The following AATF variants were observed in gnomAD, a reference collection of about 807,000 sequenced individuals.
AATF encodes the protein protein AATF.
Under a neutral mutation model 63.7 loss-of-function variants are expected in AATF, and 48 were observed. That is an observed-to-expected ratio of 0.75 (90% confidence interval 0.60 to 0.96). The LOEUF is 0.96. AATF is among the 40% of genes least tolerant of loss of function. The pLI is 0.00. For synonymous variants in AATF, 258 were observed against 247.7 expected, an observed-to-expected ratio of 1.04 and a Z score of -0.39; for missense variants, 639 against 685.7, an observed-to-expected ratio of 0.93 and a Z score of 0.76.
chr17:36,950,492 A>G, intron 2 of AATF, 87 bp downstream of exon 2: 1 of 1,323,600 alleles, frequency 7.6e-7, no homozygotes, highest in Non-Finnish European at 1.0e-6. Flanking sequence ...GATCTTTGCA[A>G]GAGTAGTCTG....
At chr17:37,037,940 C>A (rs1250214547) in intron 11 of AATF, among the ~76,000 whole-genome samples, 2 of 152,142 alleles carry the variant, frequency 1.3e-5, no homozygotes, top group African/African-American at 4.8e-5. Flanking sequence ...CCTGCTGTGG[C>A]CTTGTGAGGC....
intron 5 of AATF, 47 bp downstream of exon 5, chr17:36,986,778 T>C: frequency 6.8e-7 from 1 of 1,467,480 alleles, no homozygotes; most frequent in Non-Finnish European, 9.5e-7. Flanking sequence ...TTCATTTGGA[T>C]AGTTTCCCAT....
In AATF at chr17:37,056,648, A is replaced by C; in HGVS notation, c.1667A>C (p.Glu556Ala). Residue 556 changes from glutamate to alanine, a missense_variant, in exon 12 of 12, where the codon GAA becomes GCA. Glu to Ala is a moderately radical substitution (Grantham distance 107). Coordinates refer to ENST00000619387, the MANE Select transcript of AATF (RefSeq NM_012138.4). ...TTTGGCCAGCTCCACCCTCCCGACG[A>C]AGGCCACGGGGATTGACATCGCCCA... ...SLFGQLHPPD[E>A]GHGD is the part of the protein sequence containing the mutation. 2 of 1,614,218 alleles carry C rather than the reference A, an allele frequency of 1.2e-6. No homozygotes were observed. Among genetic ancestry groups the C allele is most frequent in the Non-Finnish European group, 1.7e-6 (2 of 1,180,032 alleles).
At chr17:36,993,776 C>T (rs1263208277) in intron 8 of AATF, among the ~76,000 whole-genome samples, 1 of 152,068 alleles carries the variant, frequency 6.6e-6, no homozygotes, top group African/African-American at 2.4e-5. Flanking sequence ...ATTATAGCCA[C>T]ATTGAATTTT....
At chr17:37,047,822 G>T (rs745417043) in intron 11 of AATF, among the ~76,000 whole-genome samples, 2 of 152,202 alleles carry the variant, frequency 1.3e-5, no homozygotes, top group East Asian at 1.9e-4. Context: ...GAAACGAGTC[G>T]TGTACTGCCA....
At chr17:37,009,118 G>A (rs199959345) in intron 8 of AATF, among the ~76,000 whole-genome samples, 1 of 150,504 alleles carries the variant, frequency 6.6e-6, no homozygotes, top group Non-Finnish European at 1.5e-5. Flanking sequence ...TGGCTTTTTT[G>A]TTTTGGTTTG....
intron 4 of AATF, among the ~76,000 whole-genome samples, chr17:36,985,442 A>ATT (rs557972342): frequency 1.5e-5 from 2 of 132,062 alleles, no homozygotes; most frequent in Non-Finnish European, 1.6e-5. Context: ...GCCTGGCTAA[A>ATT]TTTTTTTTTT....
intron 11 of AATF, among the ~76,000 whole-genome samples, chr17:37,043,655 T>C (rs1336136170): frequency 6.6e-6 from 1 of 152,210 alleles, no homozygotes; most frequent in Non-Finnish European, 1.5e-5. Context: ...TATATTTTAA[T>C]TTCAATTGTA....
chr17:36,973,117 T>A (rs2071052233), intron 4 of AATF, among the ~76,000 whole-genome samples: 1 of 135,928 alleles, frequency 7.4e-6, no homozygotes, highest in Non-Finnish European at 1.5e-5. Context: ...TTTTCTTTTC[T>A]TCTTTCTTTC....
rs1476264393 is a variant in AATF, at chr17:36,949,162, C to G, written c.37C>G (p.Gln13Glu). ...GCAGCCCCTGGCGCTGCAACTGGAACAGTTGTTGAACCCGCGACCAAGCGA... is the reference window on the plus strand; with the variant it reads ...GCAGCCCCTGGCGCTGCAACTGGAAGAGTTGTTGAACCCGCGACCAAGCGA... ...GPQPLALQLEQLLNPRPSEAD... is the reference protein window; with the variant it reads ...GPQPLALQLEELLNPRPSEAD... Residue 13 changes from glutamine (Q) to glutamate (E), a missense_variant, in exon 1 of 12, where the codon CAG becomes GAG. Physicochemically the swap from Gln to Glu is conservative, Grantham distance 29. Coordinates refer to ENST00000619387, the MANE Select transcript of AATF (RefSeq NM_012138.4). 2.5e-6 allele frequency: 4 copies of G among 1,591,774 alleles called. No homozygotes were observed. In the South Asian group the frequency reaches 4.6e-5, roughly 18 times the overall value.
At position 36,949,023 on chromosome 17, in the gene AATF, A is replaced by G. The variant is rs2070829247; in HGVS notation, c.-103A>G. On this transcript the variant is annotated 5_prime_UTR_variant, in exon 1 of 12. Transcript: ENST00000619387. ...GCGCGGTCTCTGGCGGAGTCGGGGA[A>G]TCGGATCAAGGCGAGAGGATCCGGC... is the stretch of plus-strand genomic sequence containing the variant. 8 of 1,100,702 alleles carry G rather than the reference A, an allele frequency of 7.3e-6. No individual in the cohort carries two copies. The South Asian group carries it at 1.0e-4, about 14-fold the overall frequency. 68.2% of individuals were successfully genotyped at this position (1,100,702 alleles called of 1,614,324 possible).
At chr17:36,968,769 A>C (rs1461474858) in intron 4 of AATF, among the ~76,000 whole-genome samples, 1 of 151,770 alleles carries the variant, frequency 6.6e-6, no homozygotes, top group Non-Finnish European at 1.5e-5. Context: ...CTACAGGTGC[A>C]TGCCATCCCA....
chr17:37,022,113 C>T (rs983571488), intron 10 of AATF, among the ~76,000 whole-genome samples: 1 of 145,334 alleles, frequency 6.9e-6, no homozygotes, highest in Non-Finnish European at 1.5e-5. Context: ...TGGTAACTGC[C>T]GTGTGTGTGT....
intron 2 of AATF, among the ~76,000 whole-genome samples, chr17:36,952,419 T>C (rs557852513): frequency 1.8e-4 from 28 of 152,360 alleles, no homozygotes; most frequent in African/African-American, 6.7e-4. Context: ...ATTTAGTAAA[T>C]AGGGCAGACG....
At chr17:36,967,892 G>A (rs920199619) in intron 4 of AATF, among the ~76,000 whole-genome samples, 1 of 139,588 alleles carries the variant, frequency 7.2e-6, no homozygotes, top group Non-Finnish European at 1.5e-5. Context: ...TTTGGAAACT[G>A]CAGACTTTTC....
chr17:36,953,313 G>A lies in AATF; in HGVS notation c.694+17G>A, dbSNP rs773618757. On this transcript the variant is annotated intron_variant, in intron 3 of 11. Transcript: ENST00000619387. Reference sequence around the variant, plus strand: ...ACCAGATAGGTTTGTACATGGTTTTGCTGATTGCCTGTTTTTCAAAGTATC... The same window carrying A: ...ACCAGATAGGTTTGTACATGGTTTTACTGATTGCCTGTTTTTCAAAGTATC... 5.5e-5 allele frequency: 88 copies of A among 1,594,002 alleles called. 1 individual carries two copies. In the South Asian group the frequency reaches 9.1e-4, roughly 17 times the overall value.
chr17:37,043,329 A>G (rs2071659623), intron 11 of AATF: 1 of 152,234 alleles, frequency 6.6e-6, no homozygotes, highest in African/African-American at 2.4e-5. Context: ...ATGTCTGTTC[A>G]TTCTGCTCAT....
chr17:37,046,458 G>C (rs2071692174), intron 11 of AATF, among the ~76,000 whole-genome samples: 1 of 152,126 alleles, frequency 6.6e-6, no homozygotes, highest in Non-Finnish European at 1.5e-5. Flanking sequence ...CTGGCCAGCA[G>C]CTGGAAGGGC....
chr17:37,019,192 G>T, intron 9 of AATF, 120 bp downstream of exon 9: 1 of 791,000 alleles, frequency 1.3e-6, no homozygotes, highest in Non-Finnish European at 2.1e-6. Flanking sequence ...AGTTAAGCAA[G>T]TAAGAGCTAG....
Sources: gnomAD v4.1 joint callset for allele counts (sites outside exome capture counted in the v4.1 genomes callset) on GRCh38, gnomAD v4.1.1 for gene constraint, MANE v1.5 for transcripts, NCBI Gene and HGNC (gene_info 2026-07-23, HGNC 2026-07-21) for gene names.